DAB2IP: variants seen among roughly 807,000 people sequenced by gnomAD.
DAB2IP encodes the protein DAB2 interacting protein, also known as disabled homolog 2-interacting protein.
In DAB2IP, 28 loss-of-function variants were observed where a neutral mutation model predicts 107.2. That is an observed-to-expected ratio of 0.26 (90% CI 0.19 to 0.36). DAB2IP has a LOEUF of 0.36. Among genes scored for constraint, DAB2IP ranks in the 10% least tolerant of loss-of-function variants. The probability of loss-of-function intolerance (pLI) is 1.00; values close to 1 mark genes in which losing one functional copy is unlikely to be tolerated. For synonymous variants in DAB2IP, 755 were observed against 706.4 expected (o/e 1.07, Z -1.09); for missense variants, 1,400 against 1,644.7 (o/e 0.85, Z 2.57).
At chr9:121,750,554 C>G (rs1833044019) in intron 3 of DAB2IP, among the ~76,000 whole-genome samples, 1 of 152,230 alleles carries the variant, frequency 6.6e-6, no homozygotes, top group African/African-American at 2.4e-5. Flanking sequence ...CTCCTGGTCC[C>G]AGCCTTGCCC....
chr9:121,597,132 C>A (rs976333333), intron 1 of DAB2IP, among the ~76,000 whole-genome samples: 2 of 152,146 alleles, frequency 1.3e-5, no homozygotes, highest in African/African-American at 4.8e-5. Flanking sequence ...TTGTAAATAT[C>A]ATCTTTTGAT....
At chr9:121,692,016 AG>A (rs1829188503) in intron 2 of DAB2IP, among the ~76,000 whole-genome samples, 2 of 152,194 alleles carry the variant, frequency 1.3e-5, no homozygotes. Flanking sequence ...CGAGAAAAGC[AG>A]GGGGAGTTAT....
At chr9:121,722,341 T>C (rs1416756779) in intron 3 of DAB2IP, among the ~76,000 whole-genome samples, 1 of 152,186 alleles carries the variant, frequency 6.6e-6, no homozygotes, top group African/African-American at 2.4e-5. Flanking sequence ...AGTCCTGCAT[T>C]GTTCAGAGGG....
intron 1 of DAB2IP, among the ~76,000 whole-genome samples, chr9:121,571,873 A>C (rs1240739720): frequency 1.3e-5 from 2 of 152,002 alleles, no homozygotes; most frequent in Non-Finnish European, 2.9e-5. Flanking sequence ...CTTTTACAGG[A>C]CAGTCAGAGG....
At chr9:121,596,468 T>C (rs1040812217) in intron 1 of DAB2IP, among the ~76,000 whole-genome samples, 5 of 152,354 alleles carry the variant, frequency 3.3e-5, no homozygotes, top group Non-Finnish European at 2.9e-5. Context: ...TGAGCTATGA[T>C]AGCGCCACTG....
intron 1 of DAB2IP, among the ~76,000 whole-genome samples, chr9:121,628,387 T>C (rs1831747525): frequency 6.6e-6 from 1 of 152,222 alleles, no homozygotes; most frequent in South Asian, 2.1e-4. Flanking sequence ...GCACAAGCCA[T>C]GGGATCACCC....
intron 14 of DAB2IP, among the ~76,000 whole-genome samples, chr9:121,779,476 T>C (rs1041626625): frequency 6.6e-6 from 1 of 152,220 alleles, no homozygotes; most frequent in Non-Finnish European, 1.5e-5. Flanking sequence ...TGCTGAATGT[T>C]TTTGTGTTCC....
In DAB2IP at chr9:121,701,135, C is replaced by T. The variant is rs879872892; in HGVS notation, c.362+1677C>T. Among the ~76,000 whole-genome samples, 2 of 152,230 alleles carry T rather than the reference C, an allele frequency of 1.3e-5. No individual in the cohort carries two copies. The highest frequency in any genetic ancestry group is 4.8e-5 in the African/African-American group (2 of 41,466). On this transcript the variant is annotated intron_variant, in intron 3 of 15. Transcript: ENST00000408936. The surrounding 1 kb of genome is among the most constrained non-coding windows in gnomAD (Gnocchi z 4.7). ...TTGTGTACGTACCCCGTTTTGTGTG[C>T]ATGTGGTGGTTGTCCGGGGAGCAGG...
At chr9:121,728,923 A>G (rs550437496) in intron 3 of DAB2IP, among the ~76,000 whole-genome samples, 2 of 152,362 alleles carry the variant, frequency 1.3e-5, no homozygotes, top group Non-Finnish European at 2.9e-5. Context: ...TGTGCTAATT[A>G]TAGGTGGCCT....
intron 1 of DAB2IP, among the ~76,000 whole-genome samples, chr9:121,588,036 ACTC>A (rs1282464423): frequency 1.3e-5 from 2 of 151,978 alleles, no homozygotes; most frequent in African/African-American, 2.4e-5. Flanking sequence ...AGCCTGGTAA[ACTC>A]CTATCCATGC....
intron 3 of DAB2IP, among the ~76,000 whole-genome samples, chr9:121,706,768 T>C (rs1830078041): frequency 2.0e-5 from 3 of 152,230 alleles, no homozygotes; most frequent in Admixed American, 6.5e-5. Context: ...TCTGTGAGCA[T>C]GTGGCTGTCC....
At chr9:121,570,696 C>A (rs894837591) in intron 1 of DAB2IP, among the ~76,000 whole-genome samples, 4 of 151,872 alleles carry the variant, frequency 2.6e-5, no homozygotes, top group African/African-American at 9.7e-5. Context: ...TACAGGCATG[C>A]ACCACCATGC....
rs549713910 is a variant in DAB2IP at position 121,730,056 on chromosome 9, G to A, written c.363-26957G>A. 9.9e-5 allele frequency among the ~76,000 whole-genome samples: 15 copies of A among 152,182 alleles called. No homozygotes were observed. The South Asian group carries it at 3.1e-3, about 32-fold the overall frequency. On this transcript the variant is annotated intron_variant, in intron 3 of 15. Coordinates refer to ENST00000408936, the Ensembl canonical transcript of DAB2IP. ...TCCACAAAGCTGTTGGTAAGGTCAG[G>A]ACTTGAACCTCCATCCTCATCTCCA...
chr9:121,652,778 C>T (rs1832806279), intron 1 of DAB2IP, among the ~76,000 whole-genome samples: 1 of 152,074 alleles, frequency 6.6e-6, no homozygotes, highest in Admixed American at 6.5e-5. Flanking sequence ...TCTGGTAGAC[C>T]AAGAGGGGCC....
intron 1 of DAB2IP, among the ~76,000 whole-genome samples, chr9:121,654,297 G>T: frequency 6.6e-6 from 1 of 151,896 alleles, no homozygotes; most frequent in East Asian, 1.9e-4. Flanking sequence ...GGGTGAGTGG[G>T]TGGGGAAGAG....
chr9:121,630,827 C>T (rs1039366060), intron 1 of DAB2IP, among the ~76,000 whole-genome samples: 1 of 152,136 alleles, frequency 6.6e-6, no homozygotes, highest in Non-Finnish European at 1.5e-5. Context: ...AGGCTGGTCT[C>T]GAACTCCTGA....
chr9:121,777,218 C>G (rs148055419), intron 14 of DAB2IP, among the ~76,000 whole-genome samples: 113 of 152,268 alleles, frequency 7.4e-4, no homozygotes, highest in African/African-American at 2.6e-3. Context: ...GTCTAAGACC[C>G]CATCAGCTGG....
At chr9:121,661,041 C>T (rs567793954) in intron 1 of DAB2IP, among the ~76,000 whole-genome samples, 9 of 152,006 alleles carry the variant, frequency 5.9e-5, no homozygotes, top group Non-Finnish European at 1.2e-4. Flanking sequence ...TGGGATAAGG[C>T]CCTTGGAAAG....
chr9:121,783,695 G>C, exon 16 of DAB2IP: 1 of 1,082,166 alleles, frequency 9.2e-7, no homozygotes, highest in Non-Finnish European at 1.4e-6. Flanking sequence ...GTGTGTGGCC[G>C]GCCTCCTCCT....
Sources: allele counts gnomAD v4.1 joint callset (sites outside exome capture counted in the v4.1 genomes callset), GRCh38; gene constraint gnomAD v4.1.1; non-coding constraint Gnocchi (gnomAD v3.1); transcripts MANE v1.5; gene names NCBI Gene and HGNC (gene_info 2026-07-23, HGNC 2026-07-21).